MEF2D: variants seen among roughly 807,000 people sequenced by gnomAD.
The protein encoded by MEF2D is myocyte-specific enhancer factor 2D.
In MEF2D, 10 loss-of-function variants were observed where a neutral mutation model predicts 59.3. The observed-to-expected ratio is 0.17, with a 90% CI of 0.10 to 0.29. The LOEUF is 0.29. Ranked by LOEUF, MEF2D falls within the 10% of genes least tolerant of loss-of-function variation. The pLI is 1.00. For synonymous variants in MEF2D, 305 were observed against 295.0 expected (o/e 1.03, Z -0.35); for missense variants, 508 against 699.4 (o/e 0.73, Z 3.09).
chr1:156,473,901 T>C (rs1671402553), intron 9 of MEF2D, among the ~76,000 whole-genome samples: 1 of 152,162 alleles, frequency 6.6e-6, no homozygotes, highest in African/African-American at 2.4e-5. Flanking sequence ...GAGCCCCCAT[T>C]TGGCTTTCCC....
chr1:156,476,614 G>A (rs752302057), intron 7 of MEF2D, 100 bp from the exon 8 acceptor site: 210 of 1,458,228 alleles, frequency 1.4e-4, no homozygotes, highest in Non-Finnish European at 1.9e-4. Context: ...CTCTGCATAA[G>A]AGTAGGGTGG....
In MEF2D at chr1:156,479,813, A is replaced by T; in HGVS notation, c.397-17T>A. 6.4e-7 allele frequency: 1 copy of T among 1,550,826 alleles called. No homozygotes were observed. The highest frequency in any genetic ancestry group is 8.7e-7 in the Non-Finnish European group (1 of 1,146,596). On this transcript the variant is annotated splice_polypyrimidine_tract_variant and intron_variant, in intron 4 of 11. Coordinates refer to ENST00000348159, the MANE Select transcript of MEF2D (RefSeq NM_005920.4). Reference sequence around the variant, plus strand: ...GACAGTTGACTAGACAGAAAGATGGAGGGGCAGGATCAGGCCAGGTTGACC... The same window carrying T: ...GACAGTTGACTAGACAGAAAGATGGTGGGGCAGGATCAGGCCAGGTTGACC...
chr1:156,492,025 G>C (rs1440036987), intron 1 of MEF2D, among the ~76,000 whole-genome samples: 1 of 152,248 alleles, frequency 6.6e-6, no homozygotes, highest in Non-Finnish European at 1.5e-5. Flanking sequence ...TCTTGTCTAG[G>C]CAGAGATGGG....
chr1:156,490,794 C>T (rs900275781), intron 1 of MEF2D, among the ~76,000 whole-genome samples: 1 of 152,204 alleles, frequency 6.6e-6, no homozygotes, highest in Non-Finnish European at 1.5e-5. Flanking sequence ...GGGATGGGGT[C>T]ATCCTGTTCT....
At position 156,480,825 on chromosome 1, in the gene MEF2D, G is replaced by A. The variant is rs554569467; in HGVS notation, c.396+9C>T. On this transcript the variant is annotated intron_variant, in intron 4 of 11. Transcript: ENST00000348159. ...GGGGGCCAACAGAGACAGAGTGAGTGGGGCTCACCCCATAGCGCCGGAAGA... is the reference window on the plus strand; with the variant it reads ...GGGGGCCAACAGAGACAGAGTGAGTAGGGCTCACCCCATAGCGCCGGAAGA... The A allele has an allele frequency of 3.1e-5, 49 of 1,592,866 alleles. No homozygotes were observed. The highest frequency in any genetic ancestry group is 8.0e-5 in the African/African-American group (6 of 74,590).
chr1:156,486,287 G>T (rs1040952638), intron 1 of MEF2D, among the ~76,000 whole-genome samples: 2 of 152,062 alleles, frequency 1.3e-5, no homozygotes, highest in Admixed American at 6.5e-5. Context: ...AGGGATTTCA[G>T]CTCCCCTGCT....
rs772859944 is a variant in MEF2D, at chr1:156,482,423, G to A, written c.258+14C>T. 2.5e-6 allele frequency: 4 copies of A among 1,613,414 alleles called. No homozygotes were observed. Among genetic ancestry groups the A allele is most frequent in the African/African-American group, 1.3e-5 (1 of 75,038 alleles). On this transcript the variant is annotated intron_variant, in intron 3 of 11. Transcript: ENST00000348159. ...GGCGGGGGTATATCCTGGTGCCTGT[G>A]TGTATGGGCCCACCTCGATGATGTC...
intron 1 of MEF2D, among the ~76,000 whole-genome samples, chr1:156,493,162 A>G (rs1672913967): frequency 2.0e-5 from 3 of 152,164 alleles, no homozygotes. Context: ...GATTGCTGGG[A>G]CATGAGAGCT....
chr1:156,482,326 A>G (rs1030118962), intron 3 of MEF2D, 111 bp downstream of exon 3: 1 of 1,109,402 alleles, frequency 9.0e-7, no homozygotes, highest in Non-Finnish European at 1.3e-6. Flanking sequence ...TACAAGGGGC[A>G]TGTATACCAG....
chr1:156,478,184 GGTGACATATTCA>G (rs1671742679), intron 6 of MEF2D, among the ~76,000 whole-genome samples: 1 of 152,126 alleles, frequency 6.6e-6, no homozygotes, highest in African/African-American at 2.4e-5. Flanking sequence ...CCTTGAAGAG[GGTGACATATTCA>G]CCCACCCCTT....
chr1:156,480,407 C>T (rs958959931), intron 4 of MEF2D, among the ~76,000 whole-genome samples: 1 of 151,812 alleles, frequency 6.6e-6, no homozygotes, highest in African/African-American at 2.4e-5. Context: ...GATCTCATGT[C>T]ATCTACACAC....
chr1:156,487,154 T>C lies in MEF2D; in HGVS notation c.-138-3724A>G, dbSNP rs111310078. Among the ~76,000 whole-genome samples, 843 of 152,310 alleles carry C rather than the reference T, an allele frequency of 5.5e-3. 2 individuals carry two copies. Among genetic ancestry groups the C allele is most frequent in the Admixed American group, 0.013 (203 of 15,302 alleles). ...AACTGTCGCCTGGCAACCAGCTCCCTGGCTGATCTCCTACACCGCCCCCCC... is the reference window on the plus strand; with the variant it reads ...AACTGTCGCCTGGCAACCAGCTCCCCGGCTGATCTCCTACACCGCCCCCCC... On this transcript the variant is annotated intron_variant, in intron 1 of 11. Coordinates refer to ENST00000348159, the MANE Select transcript of MEF2D (RefSeq NM_005920.4).
Position 156,468,352 on chromosome 1 carries a change from G to A in MEF2D, c.1248-53C>T. The A allele has an allele frequency of 7.6e-7, 1 of 1,321,258 alleles. No homozygotes were observed. Among genetic ancestry groups the A allele is most frequent in the Non-Finnish European group, 1.0e-6 (1 of 959,468 alleles). The allele number at this position is 1,321,258 out of a possible 1,614,324, so 81.8% of individuals were successfully genotyped here. ...CAAGGGATAAAAACAGAGGGGGTGA[G>A]TGACAGAACAAGTGATAGGACACCA... On this transcript the variant is annotated intron_variant, in intron 10 of 11. Transcript: ENST00000348159. This position sits in a 1 kb window ranked among gnomAD's most constrained non-coding sequence, Gnocchi z 4.3.
intron 4 of MEF2D, 112 bp from the exon 5 acceptor site, chr1:156,479,908 A>C: frequency 9.6e-7 from 1 of 1,041,250 alleles, no homozygotes; most frequent in South Asian, 1.5e-5. Context: ...TACGCATCCT[A>C]GGGCCAGCAG....
chr1:156,480,633 G>A (rs765484426), intron 4 of MEF2D: 10 of 1,544,558 alleles, frequency 6.5e-6, no homozygotes, highest in African/African-American at 2.7e-5. Flanking sequence ...TGCTCCATGC[G>A]ACTACTCACG....
At chr1:156,500,116 G>A (rs115906342) in intron 1 of MEF2D, among the ~76,000 whole-genome samples, 2,365 of 152,262 alleles carry the variant, frequency 0.016, 67 homozygotes, top group African/African-American at 0.055. Flanking sequence ...GCTCCCGACT[G>A]TCACCGGAGA....
Position 156,500,764 on chromosome 1 carries a change from CAAAGGT to C in MEF2D, c.-423_-418del, listed in dbSNP as rs1673452285. The C allele has an allele frequency of 6.6e-6, 1 of 151,932 alleles. No individual in the cohort carries two copies. The highest frequency in any genetic ancestry group is 2.4e-5 in the African/African-American group (1 of 41,366). The allele number at this position is 151,932 out of a possible 1,614,324, so 9.4% of individuals were successfully genotyped here. A position where few individuals can be genotyped will look rare whatever the true frequency, so the allele number is the denominator to read the frequency against. ...TTGCTTCCTTCCTCCTTTCGGGCTC[CAAAGGT>C]AACTCCTCCAGCCCCCGGGAGTCGA... is the stretch of plus-strand genomic sequence containing the variant. On this transcript the variant is annotated 5_prime_UTR_variant, in exon 1 of 12. Transcript: ENST00000348159.
In MEF2D at chr1:156,479,715, T is replaced by G; in HGVS notation, c.478A>C (p.Ser160Arg). The G allele has an allele frequency of 6.4e-7, 1 of 1,551,584 alleles. No homozygotes were observed. The highest frequency in any genetic ancestry group is 8.7e-7 in the Non-Finnish European group (1 of 1,146,960). The change falls in exon 5 of 12, where the codon AGC becomes CGC. Residue 160 changes from serine (S) to arginine (R), a missense_variant. Ser to Arg is a moderately radical substitution (Grantham distance 110). Around this residue, in one of 2 missense-constraint regions of MEF2D, gnomAD observed 481 missense variants for 584.7 expected, o/e 0.82. Coordinates refer to ENST00000348159, the MANE Select transcript of MEF2D (RefSeq NM_005920.4). ...AGGGAAGGGGTGACCAGGGAGCCGC[T>G]GGGATTGCTGAACTGCAGTGAGCTC... ...NQSSLQFSNP[S>R]GSLVTPSLVT... is the part of the protein sequence containing the mutation.
rs527439161 is a variant in MEF2D, at chr1:156,496,451, G to T, written c.-139+4035C>A. On this transcript the variant is annotated intron_variant, in intron 1 of 11. Coordinates refer to ENST00000348159, the MANE Select transcript of MEF2D (RefSeq NM_005920.4). ...GGAACACAGAGAGGGGCACGTGGGG[G>T]AGGGGTAAGGGGCAGGGATGGAAGT... is the stretch of plus-strand genomic sequence containing the variant. Among the ~76,000 whole-genome samples, 18 of 152,280 alleles carry T rather than the reference G, an allele frequency of 1.2e-4. No individual in the cohort carries two copies. In the South Asian group the frequency reaches 1.5e-3, roughly 12 times the overall value.
Sources: allele counts gnomAD v4.1 joint callset (sites outside exome capture counted in the v4.1 genomes callset), GRCh38; gene constraint gnomAD v4.1.1; regional missense constraint gnomAD v4.1.1; non-coding constraint Gnocchi (gnomAD v3.1); transcripts MANE v1.5; gene names NCBI Gene and HGNC (gene_info 2026-07-23, HGNC 2026-07-21).